The following SDK1 variants were observed in gnomAD, a reference collection of about 807,000 sequenced individuals.
SDK1 encodes sidekick cell adhesion molecule 1.
Under a neutral mutation model 245.5 loss-of-function variants are expected in SDK1, and 157 were observed. The ratio of observed to expected loss-of-function variants is 0.64; its 90% CI spans 0.56 to 0.73. The LOEUF (loss-of-function observed/expected upper bound fraction) is 0.73, where lower values mean the gene tolerates loss of function less well. Among genes scored for constraint, SDK1 ranks in the 30% least tolerant of loss-of-function variants. SDK1 has a pLI of 0.00. For synonymous variants in SDK1, 1,647 were observed against 1,278.5 expected (o/e 1.29, Z -6.15); for missense variants, 3,583 against 3,002.3 (o/e 1.19, Z -4.52).
At chr7:3,625,819 T>A (rs557584279) in intron 2 of SDK1, among the ~76,000 whole-genome samples, 16 of 152,012 alleles carry the variant, frequency 1.1e-4, no homozygotes, top group South Asian at 6.2e-4. Flanking sequence ...AGGCATGGGT[T>A]GAGGCAAAGT....
intron 13 of SDK1, among the ~76,000 whole-genome samples, chr7:3,975,845 T>C (rs1359655631): frequency 6.6e-6 from 1 of 152,246 alleles, no homozygotes; most frequent in Non-Finnish European, 1.5e-5. Context: ...CCCATGGCTC[T>C]ACAGAATCAG....
chr7:4,100,175 G>T (rs780019347), intron 22 of SDK1, among the ~76,000 whole-genome samples: 1 of 152,172 alleles, frequency 6.6e-6, no homozygotes, highest in African/African-American at 2.4e-5. Context: ...GAGTGTCAAC[G>T]TCCCTGTTTC....
At chr7:3,547,825 C>T (rs1199491778) in intron 1 of SDK1, among the ~76,000 whole-genome samples, 1 of 152,186 alleles carries the variant, frequency 6.6e-6, no homozygotes, top group Non-Finnish European at 1.5e-5. Context: ...TACCCGTCAG[C>T]CTTAAAGGAT....
At chr7:3,884,242 G>T (rs1000089254) in intron 5 of SDK1, among the ~76,000 whole-genome samples, 1 of 152,022 alleles carries the variant, frequency 6.6e-6, no homozygotes, top group South Asian at 2.1e-4. Context: ...CACTGCACCC[G>T]GCCGCCTTTC....
intron 41 of SDK1, among the ~76,000 whole-genome samples, chr7:4,236,185 G>A (rs776727631): frequency 1.1e-4 from 17 of 152,204 alleles, no homozygotes; most frequent in East Asian, 1.9e-4. Context: ...TCTGGCTGCC[G>A]TGAGCCAATG....
intron 1 of SDK1, among the ~76,000 whole-genome samples, chr7:3,474,355 A>C (rs1781283285): frequency 6.6e-6 from 1 of 151,236 alleles, no homozygotes; most frequent in African/African-American, 2.4e-5. Flanking sequence ...CAGCCTCCCA[A>C]AGTGCTGGGA....
chr7:3,687,056 AACACACACACACACACACACAC>A (rs200034994), intron 4 of SDK1, among the ~76,000 whole-genome samples: 2 of 135,162 alleles, frequency 1.5e-5, no homozygotes, highest in Non-Finnish European at 1.6e-5. Context: ...ATAGCATCAA[AACACACACACACACACACACAC>A]ACACACACAC....
Position 4,264,187 on chromosome 7 carries a change from CGCGT to C in SDK1, c.6382-936_6382-933del, listed in dbSNP as rs1562494321. 4.7e-4 allele frequency among the ~76,000 whole-genome samples: 50 copies of C among 106,276 alleles called. 5 individuals carry two copies. Among genetic ancestry groups the C allele is most frequent in the Non-Finnish European group, 6.2e-4 (32 of 51,592 alleles). The allele number at this position is 106,276 out of a possible 152,430, so 69.7% of individuals were successfully genotyped here. A position where few individuals can be genotyped will look rare whatever the true frequency, so the allele number is the denominator to read the frequency against. ...TAGAACTCTCCTGAGTGGGGGAGGC[CGCGT>C]AGACCTCTCCTGAGTGGGGGAGGCC... On this transcript the variant is annotated intron_variant, in intron 44 of 44. Coordinates refer to ENST00000404826, the MANE Select transcript of SDK1 (RefSeq NM_152744.4).
intron 10 of SDK1, among the ~76,000 whole-genome samples, chr7:3,967,818 C>T (rs946707732): frequency 2.6e-5 from 4 of 152,298 alleles, no homozygotes; most frequent in South Asian, 2.1e-4. Context: ...CGGTGGCCAC[C>T]GCTCACCTCC....
At chr7:3,377,263 C>G (rs1781377841) in intron 1 of SDK1, among the ~76,000 whole-genome samples, 1 of 152,176 alleles carries the variant, frequency 6.6e-6, no homozygotes. Context: ...CCCTCCCATG[C>G]TTTAAGATCT....
intron 1 of SDK1, among the ~76,000 whole-genome samples, chr7:3,455,435 C>G (rs934845626): frequency 6.7e-5 from 10 of 149,876 alleles, no homozygotes; most frequent in African/African-American, 2.4e-4. Flanking sequence ...ATAAGTGACT[C>G]ATTTCAAGTT....
chr7:3,723,658 TTGTG>T lies in SDK1; in HGVS notation c.713+81571_713+81574del, dbSNP rs139688945. ...ATTTCATTCAGTTAGTAAGTAAAAGTTGTGTGTGTGTGTGTGTGTGTATACGTGT... is the reference window on the plus strand; with the variant it reads ...ATTTCATTCAGTTAGTAAGTAAAAGTTGTGTGTGTGTGTGTGTATACGTGT... On this transcript the variant is annotated intron_variant, in intron 4 of 44. Coordinates refer to ENST00000404826, the MANE Select transcript of SDK1 (RefSeq NM_152744.4). Among the ~76,000 whole-genome samples, 834 of 134,184 alleles carry T rather than the reference TTGTG, an allele frequency of 6.2e-3. 15 individuals carry two copies. Among genetic ancestry groups the T allele is most frequent in the East Asian group, 5.4e-3 (27 of 5,010 alleles). The allele number at this position is 134,184 out of a possible 152,430, so 88.0% of individuals were successfully genotyped here.
rs934447585 is a variant in SDK1, at chr7:4,217,593, C to A, written c.5540-2516C>A. Among the ~76,000 whole-genome samples, 3 of 149,264 alleles carry A rather than the reference C, an allele frequency of 2.0e-5. No individual in the cohort carries two copies. In the South Asian group the frequency reaches 6.5e-4, roughly 32 times the overall value. On this transcript the variant is annotated intron_variant, in intron 38 of 44. Coordinates refer to ENST00000404826, the MANE Select transcript of SDK1 (RefSeq NM_152744.4). ...ACCCGGAGCACCACGCCACCCGGAG[C>A]ACCAGGCCACCCGGAGAACCACACC...
chr7:4,011,995 A>G, intron 15 of SDK1, 100 bp from the exon 16 acceptor site: 2 of 1,080,078 alleles, frequency 1.9e-6, no homozygotes, highest in Non-Finnish European at 2.5e-6. Context: ...ATTTTTGTGA[A>G]TAGTCAGGCT....
intron 28 of SDK1, among the ~76,000 whole-genome samples, chr7:4,143,550 A>G (rs1443863233): frequency 2.6e-5 from 4 of 152,136 alleles, no homozygotes; most frequent in Non-Finnish European, 5.9e-5. Context: ...ACGGTCACAC[A>G]GTGAATGATT....
rs377674105 is a variant in SDK1, at chr7:3,638,477, C to T, written c.459-527C>T. On this transcript the variant is annotated intron_variant, in intron 2 of 44. Transcript: ENST00000404826. ...CCATAAAAAATGATGAGTTCATGTC[C>T]TTTGTAGGGACATGGATGAAGCTGG... 2.2e-4 allele frequency among the ~76,000 whole-genome samples: 33 copies of T among 151,826 alleles called. 1 individual carries two copies. Among genetic ancestry groups the T allele is most frequent in the Admixed American group, 5.2e-4 (8 of 15,260 alleles).
intron 5 of SDK1, among the ~76,000 whole-genome samples, chr7:3,930,067 C>T (rs1308563777): frequency 1.3e-5 from 2 of 152,172 alleles, no homozygotes; most frequent in Non-Finnish European, 2.9e-5. Context: ...GAACTTCTCA[C>T]ACTGAATGAG....
At chr7:3,797,652 A>C (rs1178634301) in intron 4 of SDK1, among the ~76,000 whole-genome samples, 1 of 149,860 alleles carries the variant, frequency 6.7e-6, no homozygotes, top group Non-Finnish European at 1.5e-5. Flanking sequence ...TGTATGTCAT[A>C]ATTGATGAAG....
chr7:3,606,348 G>T (rs1165269509), intron 1 of SDK1, among the ~76,000 whole-genome samples: 1 of 152,152 alleles, frequency 6.6e-6, no homozygotes, highest in Non-Finnish European at 1.5e-5. Context: ...CTCCTGAGTG[G>T]TCTCCCGGCT....
Sources: gnomAD v4.1 joint callset for allele counts (sites outside exome capture counted in the v4.1 genomes callset) on GRCh38, gnomAD v4.1.1 for gene constraint, MANE v1.5 for transcripts, NCBI Gene and HGNC (gene_info 2026-07-23, HGNC 2026-07-21) for gene names.